The following REPS2 variants were observed in gnomAD, a reference collection of about 807,000 sequenced individuals.
REPS2 encodes RALBP1 associated Eps domain containing 2, also known as ralBP1-associated Eps domain-containing protein 2.
In REPS2, 23 loss-of-function variants were observed where a neutral mutation model predicts 53.6. The ratio of observed to expected loss-of-function variants is 0.43; its 90% CI spans 0.31 to 0.61. The LOEUF is 0.61. Among genes scored for constraint, REPS2 ranks in the 20% least tolerant of loss-of-function variants. The pLI is 0.11. For synonymous variants in REPS2, 238 were observed against 218.6 expected (o/e 1.09, Z -0.78); for missense variants, 446 against 534.9 (o/e 0.83, Z 1.64).
chrX:17,186,282 G>A, the REPS2 span, among the ~76,000 whole-genome samples: 3 of 112,311 alleles, frequency 2.7e-5, no homozygotes, highest in Admixed American at 9.4e-5. Flanking sequence ...TGCAGCTGGG[G>A]CAATGAGTCT....
At chrX:17,125,978 G>T (rs939571028) in intron 14 of REPS2, among the ~76,000 whole-genome samples, 2 of 112,172 alleles carry the variant, frequency 1.8e-5, no homozygotes, top group African/African-American at 6.5e-5. Flanking sequence ...GGACTCAGAT[G>T]GGACCAGTGG....
rs34675762 is a variant in REPS2, at chrX:16,957,410, C to CAA, written c.273+10289_273+10290dup. 1.3e-3 allele frequency among the ~76,000 whole-genome samples: 125 copies of CAA among 95,224 alleles called. 1 individual carries two copies. The highest frequency in any genetic ancestry group is 6.2e-3 in the East Asian group (19 of 3,079). The allele number at this position is 95,224 out of a possible 115,157, so 82.7% of individuals were successfully genotyped here. A position where few individuals can be genotyped will look rare whatever the true frequency, so the allele number is the denominator to read the frequency against. ...AGGCGACAGAGGCGAGATTCTGTCTCAAAAAAAAAAAAAAGTTGTTTCTTA... is the reference window on the plus strand; with the variant it reads ...AGGCGACAGAGGCGAGATTCTGTCTCAAAAAAAAAAAAAAAAGTTGTTTCTTA... On this transcript the variant is annotated intron_variant, in intron 1 of 17. Coordinates refer to ENST00000357277, the MANE Select transcript of REPS2 (RefSeq NM_004726.3).
At chrX:17,120,964 C>A (rs2063133805) in intron 14 of REPS2, among the ~76,000 whole-genome samples, 1 of 111,896 alleles carries the variant, frequency 8.9e-6, no homozygotes, top group South Asian at 3.8e-4. Context: ...CAGCCTTTAA[C>A]CCTCCTGCTC....
rs774811948 is a variant in REPS2, at chrX:17,044,109, C to T, written c.772-3238C>T. Among the ~76,000 whole-genome samples, 21 of 111,758 alleles carry T rather than the reference C, an allele frequency of 1.9e-4. No individual in the cohort carries two copies. In the South Asian group the frequency reaches 6.8e-3, roughly 36 times the overall value. ...ACCCCCTTCTGTTCATTCCTGATTT[C>T]TGTTGTTAGAGTAGACCTGAGACCT... On this transcript the variant is annotated intron_variant, in intron 5 of 17. Transcript: ENST00000357277.
the REPS2 span, among the ~76,000 whole-genome samples, chrX:17,186,953 TA>T: frequency 2.3e-4 from 24 of 105,371 alleles, no homozygotes; most frequent in African/African-American, 6.2e-4. Flanking sequence ...GGGTGAGGGA[TA>T]AAAAAAAAAC....
rs1021546530 is a variant in REPS2, at chrX:17,149,082, G to A, written c.*1601G>A. 2.3e-5 allele frequency: 7 copies of A among 298,515 alleles called. No individual in the cohort carries two copies. The highest frequency in any genetic ancestry group is 2.6e-5 in the Non-Finnish European group (4 of 155,750). 24.6% of individuals were successfully genotyped at this position (298,515 alleles called of 1,213,427 possible). Reference sequence around the variant, plus strand: ...AAAAACAAATTGTTGAATCTATTCCGTGCATATTTAAGGATTTTGAATTGA... The same window carrying A: ...AAAAACAAATTGTTGAATCTATTCCATGCATATTTAAGGATTTTGAATTGA... On this transcript the variant is annotated 3_prime_UTR_variant, in exon 18 of 18. Coordinates refer to ENST00000357277, the MANE Select transcript of REPS2 (RefSeq NM_004726.3).
intron 13 of REPS2, among the ~76,000 whole-genome samples, chrX:17,093,196 AT>A (rs1569172037): frequency 0.043 from 1,121 of 26,366 alleles, 50 homozygotes; most frequent in East Asian, 0.13. Flanking sequence ...ATATATATAT[AT>A]ATAATTTTTT....
intron 4 of REPS2, among the ~76,000 whole-genome samples, chrX:17,025,399 A>G (rs2061631639): frequency 8.9e-6 from 1 of 112,333 alleles, no homozygotes; most frequent in Non-Finnish European, 1.9e-5. Context: ...TGTCCTAGAA[A>G]CTAGTTCGTC....
In REPS2 at chrX:17,065,393, T is replaced by C. The variant is rs903471919; in HGVS notation, c.1209+2861T>C. ...TAATGACGTTGAGCATCTTTTTGTG[T>C]GCTTATTAGCCATTTGTATATCTTC... On this transcript the variant is annotated intron_variant, in intron 9 of 17. Transcript: ENST00000357277. 3.6e-5 allele frequency among the ~76,000 whole-genome samples: 4 copies of C among 112,337 alleles called. No homozygotes were observed. In the Admixed American group the frequency reaches 3.8e-4, roughly 11 times the overall value.
chrX:17,136,545 C>CATTT (rs1284490172), intron 16 of REPS2: 4 of 112,088 alleles, frequency 3.6e-5, no homozygotes, highest in Non-Finnish European at 7.5e-5. Flanking sequence ...TCATTTTAGT[C>CATTT]AGCAGTGGCT....
intron 5 of REPS2, among the ~76,000 whole-genome samples, chrX:17,030,538 A>C (rs1378002611): frequency 8.9e-6 from 1 of 111,761 alleles, no homozygotes; most frequent in Non-Finnish European, 1.9e-5. Flanking sequence ...AAGTCTAAAG[A>C]AGGTCCTGGG....
At chrX:17,069,836 G>A (rs2062279179) in intron 10 of REPS2, 104 bp from the exon 11 acceptor site, 2 of 423,218 alleles carry the variant, frequency 4.7e-6, no homozygotes, top group East Asian at 4.6e-5. Context: ...GATGACTAGC[G>A]ATTCTTTGTT....
chrX:17,071,467 A>C (rs1169983317), intron 11 of REPS2, among the ~76,000 whole-genome samples: 4 of 109,857 alleles, frequency 3.6e-5, no homozygotes, highest in African/African-American at 1.3e-4. Context: ...AGGACATGGC[A>C]TCACCAAATA....
chrX:17,183,622 C>G, the REPS2 span, among the ~76,000 whole-genome samples: 1 of 112,256 alleles, frequency 8.9e-6, no homozygotes, highest in East Asian at 2.8e-4. Flanking sequence ...TCTTCCCTCC[C>G]CTGGACCTTA....
chrX:17,074,397 G>C, intron 12 of REPS2: 1 of 327,491 alleles, frequency 3.1e-6, no homozygotes, highest in African/African-American at 2.6e-5. Context: ...CCCTCAACGT[G>C]AAGTGGATTG....
At chrX:16,948,233 A>G (rs1208066040) in intron 1 of REPS2, among the ~76,000 whole-genome samples, 2 of 112,586 alleles carry the variant, frequency 1.8e-5, no homozygotes, top group African/African-American at 6.5e-5. Context: ...ACTGCGTTTT[A>G]TACTGCTGGA....
At chrX:16,970,858 T>C (rs1317200871) in intron 1 of REPS2, among the ~76,000 whole-genome samples, 1 of 112,882 alleles carries the variant, frequency 8.9e-6, no homozygotes, top group Non-Finnish European at 1.9e-5. Context: ...TTCTGCTGTA[T>C]GGCTATACCA....
At chrX:17,128,910 T>G (rs1466647808) in intron 14 of REPS2, among the ~76,000 whole-genome samples, 2 of 112,790 alleles carry the variant, frequency 1.8e-5, no homozygotes, top group African/African-American at 6.4e-5. Context: ...CACATTTCAG[T>G]GAGCTCTTTG....
chrX:17,158,297 A>G, the REPS2 span, among the ~76,000 whole-genome samples: 3 of 111,778 alleles, frequency 2.7e-5, no homozygotes, highest in Non-Finnish European at 5.6e-5. Flanking sequence ...CCAAATACAT[A>G]GCCGCACATA....
Sources: gnomAD v4.1 joint callset for allele counts (sites outside exome capture counted in the v4.1 genomes callset) on GRCh38, gnomAD v4.1.1 for gene constraint, MANE v1.5 for transcripts, NCBI Gene and HGNC (gene_info 2026-07-23, HGNC 2026-07-21) for gene names.